SAMD4A: variants seen among roughly 807,000 people sequenced by gnomAD.
SAMD4A encodes the protein protein Smaug homolog 1.
In SAMD4A, 33 loss-of-function variants were observed where a neutral mutation model predicts 81.3. That is an observed-to-expected ratio of 0.41 (90% CI 0.31 to 0.54). The LOEUF is 0.54. SAMD4A is among the 20% of genes least tolerant of loss of function. The pLI is 0.37. For synonymous variants in SAMD4A, 389 were observed against 382.1 expected (o/e 1.02, Z -0.21); for missense variants, 854 against 951.1 (o/e 0.90, Z 1.34).
chr14:54,757,419 G>A (rs1328225640), intron 6 of SAMD4A, among the ~76,000 whole-genome samples: 1 of 144,088 alleles, frequency 6.9e-6, no homozygotes, highest in South Asian at 2.3e-4. Flanking sequence ...GTGTGTGTGT[G>A]TGTGTGTGTT....
intron 9 of SAMD4A, among the ~76,000 whole-genome samples, chr14:54,771,377 T>C (rs146470979): frequency 1.3e-5 from 2 of 152,310 alleles, no homozygotes; most frequent in South Asian, 2.1e-4. Flanking sequence ...GGCAGCAGCA[T>C]TGGGGATTTG....
intron 3 of SAMD4A, among the ~76,000 whole-genome samples, chr14:54,707,378 A>G (rs2036886212): frequency 6.6e-6 from 1 of 152,128 alleles, no homozygotes; most frequent in Admixed American, 6.5e-5. Flanking sequence ...TGCTGGGATT[A>G]TAGATATGAG....
chr14:54,721,723 G>A lies in SAMD4A; in HGVS notation c.716-15301G>A, dbSNP rs570173334. Among the ~76,000 whole-genome samples the A allele has an allele frequency of 7.2e-4, 109 of 152,194 alleles. 3 individuals are homozygous for A. The South Asian group carries it at 0.021, about 29-fold the overall frequency. ...TTTAGCCTGTCACTTTCCTTCTCTC[G>A]GTTTCCATTGTCTTATCCAGAAACT... On this transcript the variant is annotated intron_variant, in intron 3 of 12. Coordinates refer to ENST00000554335, the MANE Select transcript of SAMD4A (RefSeq NM_015589.6).
intron 2 of SAMD4A, among the ~76,000 whole-genome samples, chr14:54,628,333 C>G (rs1211096728): frequency 6.6e-6 from 1 of 152,144 alleles, no homozygotes; most frequent in Non-Finnish European, 1.5e-5. Context: ...TGCTTGGAGA[C>G]TCCGCCGGCC....
At chr14:54,611,499 A>G (rs1012959813) in intron 2 of SAMD4A, among the ~76,000 whole-genome samples, 3 of 152,152 alleles carry the variant, frequency 2.0e-5, no homozygotes, top group Non-Finnish European at 4.4e-5. Context: ...TTTCCCCTCC[A>G]TTGTGGCCTC....
intron 11 of SAMD4A, among the ~76,000 whole-genome samples, chr14:54,784,021 G>T (rs1158174994): frequency 6.6e-6 from 1 of 152,190 alleles, no homozygotes; most frequent in African/African-American, 2.4e-5. Flanking sequence ...GATAGTGTGG[G>T]GGCATGGCTC....
chr14:54,789,045 C>A lies in SAMD4A; in HGVS notation c.*101C>A. ...GCACAGAATCCTCCAAGATACTTTG[C>A]AGCCTTTTTTCCCCCTGGTCCCTCT... On this transcript the variant is annotated 3_prime_UTR_variant, in exon 13 of 13. Coordinates refer to ENST00000554335, the MANE Select transcript of SAMD4A (RefSeq NM_015589.6). The A allele has an allele frequency of 7.3e-7, 1 of 1,377,308 alleles. No homozygotes were observed. Among genetic ancestry groups the A allele is most frequent in the Non-Finnish European group, 1.0e-6 (1 of 967,252 alleles). 85.3% of individuals were successfully genotyped at this position (1,377,308 alleles called of 1,614,324 possible). A position where few individuals can be genotyped will look rare whatever the true frequency, so the allele number is the denominator to read the frequency against.
At chr14:54,783,033 T>C (rs1452914629) in intron 11 of SAMD4A, among the ~76,000 whole-genome samples, 1 of 151,912 alleles carries the variant, frequency 6.6e-6, no homozygotes, top group Non-Finnish European at 1.5e-5. Flanking sequence ...AGGAAGGTGG[T>C]GGCAACACGG....
intron 3 of SAMD4A, among the ~76,000 whole-genome samples, chr14:54,710,326 A>G (rs536984967): frequency 6.6e-6 from 1 of 152,288 alleles, no homozygotes; most frequent in South Asian, 2.1e-4. Flanking sequence ...AGTGTTTACT[A>G]TATATTGGGT....
intron 2 of SAMD4A, among the ~76,000 whole-genome samples, chr14:54,568,613 A>G (rs1035689458): frequency 3.4e-5 from 5 of 148,734 alleles, no homozygotes; most frequent in Non-Finnish European, 7.4e-5. Context: ...TTTTCCCCAC[A>G]GATATTCTGG....
At chr14:54,701,101 C>G (rs1367721554) in intron 2 of SAMD4A, 1 of 151,418 alleles carries the variant, frequency 6.6e-6, no homozygotes, top group African/African-American at 2.4e-5. Context: ...GAAGCTCAAG[C>G]AATCCTCCCA....
At chr14:54,737,608 G>T (rs537736674) in intron 4 of SAMD4A, among the ~76,000 whole-genome samples, 50 of 139,944 alleles carry the variant, frequency 3.6e-4, no homozygotes, top group African/African-American at 3.2e-4. Context: ...AGCTAATGGT[G>T]ATAGGATCTT....
chr14:54,635,593 C>T (rs933122502), intron 2 of SAMD4A, among the ~76,000 whole-genome samples: 2 of 144,782 alleles, frequency 1.4e-5, no homozygotes, highest in Admixed American at 1.3e-4. Flanking sequence ...ACTAAAAATA[C>T]AAAAATTAGC....
chr14:54,573,707 T>C (rs1234144214), intron 2 of SAMD4A, among the ~76,000 whole-genome samples: 1 of 152,236 alleles, frequency 6.6e-6, no homozygotes, highest in Non-Finnish European at 1.5e-5. Context: ...TAGATTAAGA[T>C]GCAGAAGCAG....
In SAMD4A at chr14:54,702,587, T is replaced by G. The variant is rs1566593849; in HGVS notation, c.715+7T>G. ...GGAACCAGCACAAGTACAAGTAAGT[T>G]CCCCGGAATCCCTTTAACGTAGTCT... On this transcript the variant is annotated splice_region_variant and intron_variant, in intron 3 of 12. Transcript: ENST00000554335. 1 of 1,613,092 alleles carries G rather than the reference T, an allele frequency of 6.2e-7. No homozygotes were observed. The highest frequency in any genetic ancestry group is 8.5e-7 in the Non-Finnish European group (1 of 1,179,336).
intron 2 of SAMD4A, among the ~76,000 whole-genome samples, chr14:54,630,780 C>T (rs2034876660): frequency 6.6e-6 from 1 of 151,610 alleles, no homozygotes; most frequent in Non-Finnish European, 1.5e-5. Context: ...CAGGGTTCTC[C>T]AGAGAAAAAG....
chr14:54,613,735 G>A (rs1170634552), intron 2 of SAMD4A, among the ~76,000 whole-genome samples: 3 of 152,080 alleles, frequency 2.0e-5, no homozygotes, highest in African/African-American at 4.8e-5. Context: ...TTACTCCATC[G>A]ATTACACATC....
intron 2 of SAMD4A, among the ~76,000 whole-genome samples, chr14:54,643,367 A>G (rs1275701878): frequency 6.6e-6 from 1 of 152,226 alleles, no homozygotes; most frequent in Non-Finnish European, 1.5e-5. Flanking sequence ...AAGCAAATGC[A>G]TACCTCCCAT....
chr14:54,767,020 C>G (rs1036555200), intron 8 of SAMD4A, among the ~76,000 whole-genome samples: 2 of 152,200 alleles, frequency 1.3e-5, no homozygotes, highest in Non-Finnish European at 2.9e-5. Flanking sequence ...GGCTGGGGGC[C>G]CCGGTCAGGA....
Sources: gnomAD v4.1 joint callset for allele counts (sites outside exome capture counted in the v4.1 genomes callset) on GRCh38, gnomAD v4.1.1 for gene constraint, MANE v1.5 for transcripts, NCBI Gene and HGNC (gene_info 2026-07-23, HGNC 2026-07-21) for gene names.